The following ARHGAP6 variants were observed in gnomAD, a reference collection of about 807,000 sequenced individuals.
ARHGAP6 encodes the protein rho GTPase-activating protein 6.
A neutral mutation model predicts 55.7 loss-of-function variants in ARHGAP6; 16 were observed. That is an observed-to-expected ratio of 0.29 (90% confidence interval 0.19 to 0.44). The LOEUF (loss-of-function observed/expected upper bound fraction) is 0.44. Among genes scored for constraint, ARHGAP6 ranks in the 20% least tolerant of loss-of-function variants. The pLI, the probability that ARHGAP6 is intolerant of heterozygous loss-of-function variation, is 1.00. For missense variants in ARHGAP6, 698 were observed against 808.9 expected (o/e 0.86, Z 1.66); for synonymous variants, 382 against 360.9 (o/e 1.06, Z -0.66).
chrX:11,288,446 C>T (rs751502333), intron 1 of ARHGAP6, among the ~76,000 whole-genome samples: 2 of 112,073 alleles, frequency 1.8e-5, no homozygotes, highest in Non-Finnish European at 3.8e-5. Context: ...AAAGGCTGTA[C>T]ATTTTTTGAG....
intron 1 of ARHGAP6, among the ~76,000 whole-genome samples, chrX:11,340,209 TG>T (rs1569306230): frequency 8.9e-6 from 1 of 111,916 alleles, no homozygotes; most frequent in Non-Finnish European, 1.9e-5. Flanking sequence ...TGCAATGCAA[TG>T]AAGTACATAC....
At chrX:11,444,433 G>A (rs1189745937) in intron 1 of ARHGAP6, among the ~76,000 whole-genome samples, 2 of 112,387 alleles carry the variant, frequency 1.8e-5, no homozygotes, top group Non-Finnish European at 3.7e-5. Context: ...AGATAATACT[G>A]AAGGAGGTGG....
rs752147764 is a variant in ARHGAP6 at position 11,236,158 on chromosome X, G to A, written c.748+18390C>T. On this transcript the variant is annotated intron_variant, in intron 2 of 12. Coordinates refer to ENST00000337414, the MANE Select transcript of ARHGAP6 (RefSeq NM_013427.3). ...AAAGAGGTTTAATTGACTCAGTTTC[G>A]CAGGGCTGGGGAGGCCTCAGGAAAC... Among the ~76,000 whole-genome samples the A allele has an allele frequency of 5.4e-5, 6 of 111,891 alleles. No individual in the cohort carries two copies. The East Asian group carries it at 8.4e-4, about 16-fold the overall frequency.
At chrX:11,354,325 C>A (rs79469475) in intron 1 of ARHGAP6, among the ~76,000 whole-genome samples, 3,467 of 46,666 alleles carry the variant, frequency 0.074, 126 homozygotes, top group East Asian at 0.1. Context: ...CTCTCTCTCT[C>A]TCTATATATA....
intron 1 of ARHGAP6, among the ~76,000 whole-genome samples, chrX:11,498,444 G>A (rs1442243419): frequency 8.9e-6 from 1 of 112,034 alleles, no homozygotes; most frequent in African/African-American, 3.2e-5. Context: ...TAAAGAAGGA[G>A]GAGTATCTAT....
At chrX:11,444,855 A>G (rs934923382) in intron 1 of ARHGAP6, among the ~76,000 whole-genome samples, 3 of 112,233 alleles carry the variant, frequency 2.7e-5, no homozygotes, top group Admixed American at 1.9e-4. Flanking sequence ...ATGTGACAGG[A>G]TTTAATAAGG....
At chrX:11,392,452 C>G (rs974609166) in intron 1 of ARHGAP6, among the ~76,000 whole-genome samples, 1 of 111,702 alleles carries the variant, frequency 9.0e-6, no homozygotes, top group Non-Finnish European at 1.9e-5. Context: ...CACAACCATT[C>G]CCATGCCCTG....
chrX:11,528,502 GC>G (rs1245264550), intron 1 of ARHGAP6, among the ~76,000 whole-genome samples: 1 of 111,946 alleles, frequency 8.9e-6, no homozygotes, highest in Non-Finnish European at 1.9e-5. Flanking sequence ...CAAAAGGGTT[GC>G]CTAGCAGGGT....
At chrX:11,360,927 T>G (rs775067241) in intron 1 of ARHGAP6, among the ~76,000 whole-genome samples, 1 of 110,708 alleles carries the variant, frequency 9.0e-6, no homozygotes, top group African/African-American at 3.3e-5. Flanking sequence ...AATAAAATAC[T>G]TAGGAATCCA....
At chrX:11,498,567 T>C (rs1479913400) in intron 1 of ARHGAP6, among the ~76,000 whole-genome samples, 1 of 111,240 alleles carries the variant, frequency 9.0e-6, no homozygotes, top group Non-Finnish European at 1.9e-5. Flanking sequence ...AGTGGGGGTG[T>C]CAGAGTAGGA....
intron 2 of ARHGAP6, among the ~76,000 whole-genome samples, chrX:11,229,552 C>T (rs2047098905): frequency 8.9e-6 from 1 of 112,155 alleles, no homozygotes; most frequent in Non-Finnish European, 1.9e-5. Flanking sequence ...TTTAAGTATG[C>T]ATGCATCTAA....
chrX:11,558,882 A>T (rs376074459), intron 1 of ARHGAP6, among the ~76,000 whole-genome samples: 91 of 96,561 alleles, frequency 9.4e-4, no homozygotes, highest in Non-Finnish European at 1.5e-3. Context: ...GACAAATTTT[A>T]CGCAGTTGCA....
chrX:11,576,346 A>G (rs1281012188), intron 1 of ARHGAP6, among the ~76,000 whole-genome samples: 1 of 112,100 alleles, frequency 8.9e-6, no homozygotes, highest in East Asian at 2.8e-4. Context: ...TGCTTTGCTC[A>G]AGGTTCACAT....
At chrX:11,427,332 A>C (rs1244228336) in intron 1 of ARHGAP6, among the ~76,000 whole-genome samples, 4 of 112,245 alleles carry the variant, frequency 3.6e-5, no homozygotes, top group Non-Finnish European at 5.6e-5. Context: ...GAAACACTGA[A>C]TTCAGGGTTG....
chrX:11,290,346 T>C (rs1417151803), intron 1 of ARHGAP6: 2 of 350,679 alleles, frequency 5.7e-6, no homozygotes, highest in Non-Finnish European at 5.6e-6. Context: ...TTTTTCTAGG[T>C]ACCAAGGAGC....
chrX:11,627,721 T>C lies in ARHGAP6; in HGVS notation c.588+36520A>G, dbSNP rs532307764. On this transcript the variant is annotated intron_variant, in intron 1 of 12. Coordinates refer to ENST00000337414, the MANE Select transcript of ARHGAP6 (RefSeq NM_013427.3). Reference sequence around the variant, plus strand: ...CTCTGGTCCTCAGTTTCCTCATCTGTAAAGTGGAGAATTAACATTATTTAC... The same window carrying C: ...CTCTGGTCCTCAGTTTCCTCATCTGCAAAGTGGAGAATTAACATTATTTAC... Among the ~76,000 whole-genome samples the C allele has an allele frequency of 1.1e-4, 12 of 111,823 alleles. 1 individual carries two copies. In the South Asian group the frequency reaches 4.1e-3, roughly 38 times the overall value.
At chrX:11,485,354 C>CA (rs35164732) in intron 1 of ARHGAP6, among the ~76,000 whole-genome samples, 11,950 of 111,007 alleles carry the variant, frequency 0.11, 621 homozygotes, top group East Asian at 0.18. Flanking sequence ...AGTAAGCTTC[C>CA]AAAAAAGGTA....
intron 1 of ARHGAP6, among the ~76,000 whole-genome samples, chrX:11,487,661 T>C (rs757755258): frequency 1.2e-4 from 13 of 112,232 alleles, no homozygotes; most frequent in African/African-American, 1.9e-4. Flanking sequence ...GGGTGTTCTA[T>C]ATCTTATCAG....
At chrX:11,148,367 G>A (rs1411611731) in intron 10 of ARHGAP6, among the ~76,000 whole-genome samples, 1 of 111,419 alleles carries the variant, frequency 9.0e-6, no homozygotes, top group Non-Finnish European at 1.9e-5. Context: ...GATGGATTGA[G>A]GTTCAGAATG....
Sources: gnomAD v4.1 joint callset for allele counts (sites outside exome capture counted in the v4.1 genomes callset) on GRCh38, gnomAD v4.1.1 for gene constraint, MANE v1.5 for transcripts, NCBI Gene and HGNC (gene_info 2026-07-23, HGNC 2026-07-21) for gene names.